The following MAPK10 variants were observed in gnomAD, a reference collection of about 807,000 sequenced individuals.
MAPK10 encodes mitogen-activated protein kinase 10.
MAPK10 carries 25 observed loss-of-function variants against 59.3 expected under a neutral mutation model. That is an observed-to-expected ratio of 0.42 (90% CI 0.31 to 0.59). The LOEUF is 0.59. MAPK10 is among the 20% of genes least tolerant of loss of function. MAPK10 has a pLI of 0.15. For synonymous variants in MAPK10, 190 were observed against 200.5 expected (o/e 0.95, Z 0.44); for missense variants, 351 against 568.9 (o/e 0.62, Z 3.90).
intron 1 of MAPK10, among the ~76,000 whole-genome samples, chr4:86,410,016 C>T (rs1744924784): frequency 6.6e-6 from 1 of 152,136 alleles, no homozygotes; most frequent in African/African-American, 2.4e-5. Context: ...TTTGCCGATT[C>T]AGTATGGTAT....
chr4:86,168,357 C>T (rs566659510), intron 3 of MAPK10, among the ~76,000 whole-genome samples: 11 of 152,316 alleles, frequency 7.2e-5, no homozygotes, highest in Non-Finnish European at 1.3e-4. Context: ...CACTCCCACC[C>T]TAATACTGTG....
intron 3 of MAPK10, among the ~76,000 whole-genome samples, chr4:86,171,808 A>C (rs1381192633): frequency 6.6e-6 from 1 of 151,078 alleles, no homozygotes; most frequent in African/African-American, 2.5e-5. Flanking sequence ...AAATGGGAGA[A>C]AATTTTCCCA....
At chr4:86,180,972 ATAGT>A (rs1241441142) in intron 3 of MAPK10, among the ~76,000 whole-genome samples, 1 of 152,086 alleles carries the variant, frequency 6.6e-6, no homozygotes, top group Non-Finnish European at 1.5e-5. Flanking sequence ...TAAATTTCAA[ATAGT>A]TAGAAGGAGG....
chr4:86,362,108 A>G (rs1737090913), upstream of MAPK10, among the ~76,000 whole-genome samples: 1 of 152,180 alleles, frequency 6.6e-6, no homozygotes, highest in Non-Finnish European at 1.5e-5. Flanking sequence ...TGATCATTCT[A>G]CAATGTATAC....
chr4:86,169,745 T>G (rs1012532193), intron 3 of MAPK10, among the ~76,000 whole-genome samples: 8 of 151,466 alleles, frequency 5.3e-5, no homozygotes, highest in African/African-American at 1.9e-4. Context: ...GAAGAGCAAC[T>G]CCAAGACACA....
intron 10 of MAPK10, 124 bp downstream of exon 10, chr4:86,067,649 C>T (rs2047008850): frequency 3.7e-6 from 3 of 800,686 alleles, no homozygotes; most frequent in African/African-American, 1.7e-5. Context: ...CAAAAATGTA[C>T]GATTATCATG....
chr4:86,437,971 T>C (rs1159624983), intron 1 of MAPK10, among the ~76,000 whole-genome samples: 1 of 152,230 alleles, frequency 6.6e-6, no homozygotes, highest in Non-Finnish European at 1.5e-5. Context: ...AAACATGTTG[T>C]TCAAAAGTCA....
At position 86,397,879 on chromosome 4, in the gene MAPK10, A is replaced by C. The variant is rs74396110; in HGVS notation, c.-121-43235T>G. On this transcript the variant is annotated intron_variant, in intron 1 of 13. Coordinates refer to the MAPK10 transcript ENST00000361569. ...TCTGCTATGGCAAAAAAAAAAAAAA[A>C]AAAAAAAAAAACTGGCTTTTTCTCT... Among the ~76,000 whole-genome samples, 944 of 143,940 alleles carry C rather than the reference A, an allele frequency of 6.6e-3. 9 individuals are homozygous for C. Among genetic ancestry groups the C allele is most frequent in the African/African-American group, 0.02 (836 of 40,890 alleles). The allele number at this position is 143,940 out of a possible 152,430, so 94.4% of individuals were successfully genotyped here. A position where few individuals can be genotyped will look rare whatever the true frequency, so the allele number is the denominator to read the frequency against.
rs2149069724 is a variant in MAPK10 at position 86,100,234 on chromosome 4, G to T, written c.730+818C>A. 5 of 152,168 alleles carry T rather than the reference G, an allele frequency of 3.3e-5. 1 individual carries two copies. The Middle Eastern group carries it at 0.014, about 417-fold the overall frequency. The allele number at this position is 152,168 out of a possible 1,614,324, so 9.4% of individuals were successfully genotyped here. A position where few individuals can be genotyped will look rare whatever the true frequency, so the allele number is the denominator to read the frequency against. On this transcript the variant is annotated intron_variant, in intron 8 of 13. Transcript: ENST00000641462. ...AACTATTTTAATTCCTAAGTATATTGAATATGTTTTCAATATGGTGCATTA... is the reference window on the plus strand; with the variant it reads ...AACTATTTTAATTCCTAAGTATATTTAATATGTTTTCAATATGGTGCATTA...
At chr4:86,471,579 TTG>T (rs769430010) in intron 1 of MAPK10, among the ~76,000 whole-genome samples, 3 of 152,174 alleles carry the variant, frequency 2.0e-5, no homozygotes, top group Non-Finnish European at 4.4e-5. Context: ...ATAAAAATGG[TTG>T]TTTCCTGAAA....
chr4:86,132,038 T>C (rs2061097456), intron 4 of MAPK10, among the ~76,000 whole-genome samples: 1 of 152,220 alleles, frequency 6.6e-6, no homozygotes, highest in African/African-American at 2.4e-5. Flanking sequence ...CCATAAAGTC[T>C]AAATGAGTTA....
intron 1 of MAPK10, among the ~76,000 whole-genome samples, chr4:86,436,091 G>A (rs922181317): frequency 6.6e-6 from 1 of 152,020 alleles, no homozygotes; most frequent in African/African-American, 2.4e-5. Flanking sequence ...AGAAAACTTT[G>A]AGGAAAGTCC....
intron 2 of MAPK10, among the ~76,000 whole-genome samples, chr4:86,247,604 C>T (rs897625377): frequency 9.2e-5 from 14 of 151,914 alleles, no homozygotes; most frequent in African/African-American, 3.1e-4. Context: ...AACAAATTAC[C>T]ATAATAGGTG....
chr4:86,126,079 C>T (rs1173354754), intron 4 of MAPK10: 2 of 152,138 alleles, frequency 1.3e-5, no homozygotes, highest in Non-Finnish European at 2.9e-5. Context: ...TAAAGCCTAC[C>T]CCAGCACAGT....
chr4:86,444,796 G>A (rs923088269), intron 1 of MAPK10, among the ~76,000 whole-genome samples: 7 of 150,848 alleles, frequency 4.6e-5, no homozygotes, highest in African/African-American at 7.3e-5. Context: ...ACATTCATGC[G>A]GCCAACAAAT....
At chr4:86,080,897 C>CT (rs1429502851) in intron 9 of MAPK10, 1 of 151,860 alleles carries the variant, frequency 6.6e-6, no homozygotes. Context: ...CAATAGGGAT[C>CT]TTTTTTTAAA....
At chr4:86,201,896 C>T (rs995259889) in intron 2 of MAPK10, among the ~76,000 whole-genome samples, 31 of 151,690 alleles carry the variant, frequency 2.0e-4, no homozygotes, top group African/African-American at 7.5e-4. Context: ...AAATAATATT[C>T]TGCTTCACAT....
At chr4:86,232,172 T>C (rs987783127) in intron 2 of MAPK10, among the ~76,000 whole-genome samples, 3 of 152,192 alleles carry the variant, frequency 2.0e-5, no homozygotes, top group South Asian at 2.1e-4. Flanking sequence ...AATAAAACTT[T>C]ATTTACAAAA....
intron 1 of MAPK10, among the ~76,000 whole-genome samples, chr4:86,533,468 G>A (rs1406504369): frequency 6.6e-6 from 1 of 152,092 alleles, no homozygotes; most frequent in African/African-American, 2.4e-5. Flanking sequence ...GTTCAAAAAA[G>A]TACAGTACTG....
Sources: allele counts gnomAD v4.1 joint callset (sites outside exome capture counted in the v4.1 genomes callset), GRCh38; gene constraint gnomAD v4.1.1; transcripts MANE v1.5; gene names NCBI Gene and HGNC (gene_info 2026-07-23, HGNC 2026-07-21).